The following PCDH15 variants were observed in gnomAD, a reference collection of about 807,000 sequenced individuals.
The protein encoded by PCDH15 is protocadherin-15.
Under a neutral mutation model 178.5 loss-of-function variants are expected in PCDH15, and 129 were observed. That is an observed-to-expected ratio of 0.72 (90% CI 0.63 to 0.84). PCDH15 has a LOEUF of 0.84. Ranked by LOEUF, PCDH15 falls within the 40% of genes least tolerant of loss-of-function variation. The probability of loss-of-function intolerance (pLI) is 0.00; values close to 1 mark genes in which losing one functional copy is unlikely to be tolerated. For missense variants in PCDH15, 2,230 were observed against 2,099.9 expected, an observed-to-expected ratio of 1.06 and a Z score of -1.21; for synonymous variants, 800 against 732.0, an observed-to-expected ratio of 1.09 and a Z score of -1.50.
At chr10:54,032,296 T>G (rs892031253) in intron 18 of PCDH15, among the ~76,000 whole-genome samples, 1 of 152,056 alleles carries the variant, frequency 6.6e-6, no homozygotes, top group Non-Finnish European at 1.5e-5. Flanking sequence ...TTCATGCTCC[T>G]GAAGCTCATT....
At chr10:54,888,178 C>A (rs1180472711) in intron 3 of PCDH15, among the ~76,000 whole-genome samples, 2 of 152,088 alleles carry the variant, frequency 1.3e-5, no homozygotes, top group Admixed American at 6.6e-5. Context: ...TCTGTTAAAC[C>A]TTTTCCTTCT....
chr10:54,494,164 C>A (rs543390683), intron 3 of PCDH15, among the ~76,000 whole-genome samples: 262 of 151,726 alleles, frequency 1.7e-3, no homozygotes, highest in Non-Finnish European at 2.8e-3. Flanking sequence ...TGCAGCACAC[C>A]AGCATGGCAC....
At chr10:53,923,944 T>C (rs986249678) in intron 25 of PCDH15, among the ~76,000 whole-genome samples, 6 of 152,002 alleles carry the variant, frequency 3.9e-5, no homozygotes, top group African/African-American at 1.5e-4. Context: ...ACAAATGAGA[T>C]GGGGCCTCAA....
At position 54,079,313 on chromosome 10, in the gene PCDH15, C is replaced by CA. The variant is rs759943776; in HGVS notation, c.2091+17dup. ...CTTAATACTATTTTTAAAACCCCTT[C>CA]ACAGGGAGCATACTCACCCCATCTG... On this transcript the variant is annotated intron_variant, in intron 17 of 37. Coordinates refer to ENST00000644397, the MANE Select transcript of PCDH15 (RefSeq NM_001384140.1). The CA allele has an allele frequency of 1.7e-5, 28 of 1,608,960 alleles. No homozygotes were observed. In the Admixed American group the frequency reaches 2.2e-4, roughly 12 times the overall value.
intron 2 of PCDH15, among the ~76,000 whole-genome samples, chr10:55,332,967 G>C (rs1199020566): frequency 6.6e-6 from 1 of 152,114 alleles, no homozygotes; most frequent in Non-Finnish European, 1.5e-5. Flanking sequence ...AGATGTGCAA[G>C]AGACAGACTT....
intron 14 of PCDH15, among the ~76,000 whole-genome samples, chr10:54,133,553 G>A (rs1250874724): frequency 2.0e-5 from 3 of 152,184 alleles, no homozygotes; most frequent in South Asian, 2.1e-4. Flanking sequence ...AACTAAATAC[G>A]TTTTAAAATC....
intron 15 of PCDH15, among the ~76,000 whole-genome samples, chr10:54,095,646 T>C (rs187753241): frequency 2.3e-3 from 343 of 152,300 alleles, no homozygotes; most frequent in African/African-American, 7.9e-3. Flanking sequence ...TAAGAAGGCA[T>C]AGCAGAATCA....
chr10:55,578,685 T>C lies in PCDH15; in HGVS notation c.-156+48940A>G, dbSNP rs534967335. Among the ~76,000 whole-genome samples the C allele has an allele frequency of 2.0e-5, 3 of 152,282 alleles. No individual in the cohort carries two copies. The South Asian group carries it at 6.2e-4, about 32-fold the overall frequency. ...GATATACTCGAGACTGGGTAATTTA[T>C]AAAGGAAAGAGGTCTAATTGACTCA... On this transcript the variant is annotated intron_variant, in intron 2 of 5. Transcript: ENST00000613346.
At position 55,359,747 on chromosome 10, in the gene PCDH15, T is replaced by TATATAC. The variant is rs1491280747; in HGVS notation, c.-155-193097_-155-193096insGTATAT. Among the ~76,000 whole-genome samples the TATATAC allele has an allele frequency of 3.3e-4, 27 of 81,660 alleles. 1 individual carries two copies. In the South Asian group the frequency reaches 4.8e-3, roughly 14 times the overall value. 53.6% of individuals were successfully genotyped at this position (81,660 alleles called of 152,430 possible). A position where few individuals can be genotyped will look rare whatever the true frequency, so the allele number is the denominator to read the frequency against. On this transcript the variant is annotated intron_variant, in intron 2 of 5. Coordinates refer to the PCDH15 transcript ENST00000613346. ...ATATATATATATATATATATATATA[T>TATATAC]ACACACACACACACACACACACACA...
intron 3 of PCDH15, among the ~76,000 whole-genome samples, chr10:54,408,052 CAAAAAAAA>C (rs71461239): frequency 2.4e-5 from 2 of 83,734 alleles, no homozygotes; most frequent in South Asian, 8.9e-4. Context: ...GAGACTCTGT[CAAAAAAAA>C]AAAAAAAAAA....
At chr10:55,314,306 T>C (rs947451599) in intron 1 of PCDH15, among the ~76,000 whole-genome samples, 1 of 151,462 alleles carries the variant, frequency 6.6e-6, no homozygotes, top group Non-Finnish European at 1.5e-5. Flanking sequence ...TTTCTCTTTA[T>C]ACATTTTCTC....
chr10:54,557,339 ATTG>A (rs2087430112), intron 2 of PCDH15, among the ~76,000 whole-genome samples: 1 of 152,140 alleles, frequency 6.6e-6, no homozygotes, highest in East Asian at 1.9e-4. Context: ...ATACCAAAAA[ATTG>A]TTATCTTTGT....
intron 2 of PCDH15, among the ~76,000 whole-genome samples, chr10:55,030,588 AAG>A (rs1840586275): frequency 2.0e-5 from 3 of 152,340 alleles, no homozygotes; most frequent in South Asian, 2.1e-4. Flanking sequence ...TAGATCAAGT[AAG>A]AGAGAAACAT....
intron 3 of PCDH15, among the ~76,000 whole-genome samples, chr10:54,526,142 C>T (rs928686011): frequency 2.6e-5 from 4 of 152,180 alleles, no homozygotes; most frequent in Non-Finnish European, 4.4e-5. Context: ...GCAACATCTT[C>T]GTAGAGTTCC....
intron 3 of PCDH15, among the ~76,000 whole-genome samples, chr10:54,406,337 G>GAATA (rs952094796): frequency 2.7e-5 from 4 of 150,690 alleles, no homozygotes; most frequent in East Asian, 2.0e-4. Flanking sequence ...ATAAATAAAT[G>GAATA]AATAAATAAA....
chr10:54,124,044 A>C (rs1590632942), intron 15 of PCDH15, among the ~76,000 whole-genome samples: 1 of 152,230 alleles, frequency 6.6e-6, no homozygotes, highest in East Asian at 1.9e-4. Context: ...GGAAAAACCA[A>C]CTGTTGGGTG....
chr10:54,677,811 C>T (rs1157882049), intron 1 of PCDH15, among the ~76,000 whole-genome samples: 4 of 152,144 alleles, frequency 2.6e-5, no homozygotes, highest in African/African-American at 9.7e-5. Flanking sequence ...GCCATCCAGA[C>T]CATGTTGCAA....
At chr10:54,852,044 C>T (rs1386367330) in intron 3 of PCDH15, among the ~76,000 whole-genome samples, 1 of 152,114 alleles carries the variant, frequency 6.6e-6, no homozygotes, top group East Asian at 1.9e-4. Flanking sequence ...ACATACATTG[C>T]TGCTAATCAG....
At chr10:54,597,024 T>C (rs1400949402) in intron 2 of PCDH15, among the ~76,000 whole-genome samples, 3 of 152,036 alleles carry the variant, frequency 2.0e-5, no homozygotes, top group Non-Finnish European at 4.4e-5. Context: ...CCACTGACAG[T>C]ATTAGACAGA....
Sources: gnomAD v4.1 joint callset for allele counts (sites outside exome capture counted in the v4.1 genomes callset) on GRCh38, gnomAD v4.1.1 for gene constraint, MANE v1.5 for transcripts, NCBI Gene and HGNC (gene_info 2026-07-23, HGNC 2026-07-21) for gene names.